Variants in GMEB2 observed in about 807,000 individuals in gnomAD.
The protein encoded by GMEB2 is glucocorticoid modulatory element-binding protein 2.
In GMEB2, 7 loss-of-function variants were observed where a neutral mutation model predicts 45.7. The observed-to-expected ratio is 0.15, with a 90% CI of 0.09 to 0.29. The LOEUF (loss-of-function observed/expected upper bound fraction) is 0.29. Among genes scored for constraint, GMEB2 ranks in the 10% least tolerant of loss-of-function variants. GMEB2 has a pLI of 1.00. For synonymous variants in GMEB2, 322 were observed against 323.6 expected, an observed-to-expected ratio of 1.00 and a Z score of 0.05; for missense variants, 582 against 739.2, an observed-to-expected ratio of 0.79 and a Z score of 2.47.
At chr20:63,621,667 C>CAAAAAA (rs56222018) in intron 1 of GMEB2, among the ~76,000 whole-genome samples, 3 of 54,604 alleles carry the variant, frequency 5.5e-5, no homozygotes, top group African/African-American at 1.1e-4. Context: ...AACTCCATCT[C>CAAAAAA]AAAAAAAAAA....
intron 4 of GMEB2, among the ~76,000 whole-genome samples, chr20:63,599,323 C>T (rs1202420656): frequency 6.6e-6 from 1 of 152,268 alleles, no homozygotes; most frequent in African/African-American, 2.4e-5. Context: ...GCTGAATAGA[C>T]AGGACTGGTC....
Position 63,589,426 on chromosome 20 carries a change from G to A in GMEB2, c.*663C>T, listed in dbSNP as rs1363741382. On this transcript the variant is annotated 3_prime_UTR_variant, in exon 10 of 10. Coordinates refer to ENST00000370077, the MANE Select transcript of GMEB2 (RefSeq NM_012384.5). ...ACATGTGCAACAATGCCTGGACCACGCCTCGTCTGTGCGGCCCCTGGGCCA... is the reference window on the plus strand; with the variant it reads ...ACATGTGCAACAATGCCTGGACCACACCTCGTCTGTGCGGCCCCTGGGCCA... 10 of 367,832 alleles carry A rather than the reference G, an allele frequency of 2.7e-5. No individual in the cohort carries two copies. The highest frequency in any genetic ancestry group is 1.5e-4 in the South Asian group (1 of 6,776). The allele number at this position is 367,832 out of a possible 1,614,324, so 22.8% of individuals were successfully genotyped here. A position where few individuals can be genotyped will look rare whatever the true frequency, so the allele number is the denominator to read the frequency against.
intron 2 of GMEB2, among the ~76,000 whole-genome samples, chr20:63,612,908 T>C (rs2089581286): frequency 6.6e-6 from 1 of 152,150 alleles, no homozygotes; most frequent in African/African-American, 2.4e-5. Context: ...TTAAAAATAA[T>C]AACAACTATG....
rs375430605 is a variant in GMEB2 at position 63,592,971 on chromosome 20, G to A, written c.691+40C>T. 3.2e-5 allele frequency: 45 copies of A among 1,420,246 alleles called. No homozygotes were observed. In the East Asian group the frequency reaches 3.9e-4, roughly 12 times the overall value. 88.0% of individuals were successfully genotyped at this position (1,420,246 alleles called of 1,614,324 possible). ...AGGTGGGCAGAGACTCCACCACCCCGCCAGGGCTTGTGAGAAGCCCACAAG... is the reference window on the plus strand; with the variant it reads ...AGGTGGGCAGAGACTCCACCACCCCACCAGGGCTTGTGAGAAGCCCACAAG... On this transcript the variant is annotated intron_variant, in intron 7 of 9. Coordinates refer to ENST00000370077, the MANE Select transcript of GMEB2 (RefSeq NM_012384.5). The surrounding 1 kb of genome is among the most constrained non-coding windows in gnomAD (Gnocchi z 8.2).
Position 63,592,503 on chromosome 20 carries a change from G to C in GMEB2, c.829+30C>G. ...CCTGCAGAGACTCCTGGGCTGAGTA[G>C]CCAGCAAGAGGGAAGATGCAGCTTC... On this transcript the variant is annotated intron_variant, in intron 8 of 9. Coordinates refer to ENST00000370077, the MANE Select transcript of GMEB2 (RefSeq NM_012384.5). This position sits in a 1 kb window ranked among gnomAD's most constrained non-coding sequence, Gnocchi z 8.2. 1 of 1,582,942 alleles carries C rather than the reference G, an allele frequency of 6.3e-7. No homozygotes were observed.
chr20:63,598,669 CCT>C (rs2083218225), intron 4 of GMEB2, among the ~76,000 whole-genome samples: 1 of 152,174 alleles, frequency 6.6e-6, no homozygotes, highest in African/African-American at 2.4e-5. Flanking sequence ...CTGAGCCCAC[CCT>C]CTCATGACCC....
At chr20:63,607,077 T>C (rs915194587) in intron 2 of GMEB2, among the ~76,000 whole-genome samples, 2 of 145,746 alleles carry the variant, frequency 1.4e-5, no homozygotes, top group Non-Finnish European at 3.0e-5. Flanking sequence ...CCCACCTCCA[T>C]TTCTAGAAAC....
At position 63,590,478 on chromosome 20, in the gene GMEB2, C is replaced by A; in HGVS notation, c.1204G>T (p.Val402Leu). The A allele has an allele frequency of 6.6e-7, 1 of 1,505,322 alleles. No individual in the cohort carries two copies. 93.2% of individuals were successfully genotyped at this position (1,505,322 alleles called of 1,614,324 possible). Residue 402 changes from valine to leucine, a missense_variant, in exon 10 of 10, where the codon GTG (valine) becomes TTG (leucine). By Grantham distance (32) the Val-to-Leu change is conservative (BLOSUM62 1). Around this residue, in one of 3 missense-constraint regions of GMEB2, gnomAD observed 462 missense variants for 586.7 expected, o/e 0.79. Transcript: ENST00000370077. ...QLTSVPLGKV[V>L]STLPSTVLGK... ...AGGACGGTGGACGGCAGGGTGGACA[C>A]CACTTTACCAAGGGGCACGCTGGTC...
intron 2 of GMEB2, among the ~76,000 whole-genome samples, chr20:63,607,055 A>G (rs2089525267): frequency 6.6e-6 from 1 of 151,702 alleles, no homozygotes; most frequent in African/African-American, 2.4e-5. Context: ...TTCTAGAAAC[A>G]TGCCCCTCTG....
chr20:63,625,784 G>T (rs1235699890), intron 1 of GMEB2, among the ~76,000 whole-genome samples: 2 of 151,892 alleles, frequency 1.3e-5, no homozygotes, highest in African/African-American at 4.8e-5. Flanking sequence ...TTTTAGTAGA[G>T]ACAGGGTTTC....
At chr20:63,610,477 C>T (rs1053127882) in intron 2 of GMEB2, among the ~76,000 whole-genome samples, 4 of 151,998 alleles carry the variant, frequency 2.6e-5, no homozygotes, top group East Asian at 1.9e-4. Flanking sequence ...GCCGAGATCG[C>T]GCCATTGCAC....
rs202099403 is a variant in GMEB2 at position 63,595,602 on chromosome 20, G to A, written c.619+8C>T. On this transcript the variant is annotated splice_region_variant and intron_variant, in intron 6 of 9. Transcript: ENST00000370077. ...GCTGGGTCAGGACGAGCAGCCCTGT[G>A]CACCTACCGTCGGCTGCGGCGGGCG... The A allele has an allele frequency of 5.0e-5, 80 of 1,599,570 alleles. No homozygotes were observed. The East Asian group carries it at 1.0e-3, about 20-fold the overall frequency.
At chr20:63,596,411 G>A (rs1047669954) in intron 5 of GMEB2, among the ~76,000 whole-genome samples, 5 of 152,206 alleles carry the variant, frequency 3.3e-5, no homozygotes, top group South Asian at 2.1e-4. Flanking sequence ...CCCATGAAAC[G>A]AGGGTCAGAG....
At chr20:63,626,230 A>ATCCCTGTGGGTCTCGTCCCGGTGGGGTGG (rs1555895482) in intron 1 of GMEB2, among the ~76,000 whole-genome samples, 2 of 146,764 alleles carry the variant, frequency 1.4e-5, no homozygotes, top group Non-Finnish European at 3.0e-5. Flanking sequence ...CAGTGGGGTG[A>ATCCCTGTGGGTCTCGTCCCGGTGGGGTGG]TCCCTGCGGG....
At chr20:63,596,268 C>T (rs1418388780) in intron 5 of GMEB2, among the ~76,000 whole-genome samples, 1 of 152,220 alleles carries the variant, frequency 6.6e-6, no homozygotes, top group Admixed American at 6.5e-5. Flanking sequence ...CCATGGCTGC[C>T]GCTCATCCTC....
rs79540482 is a variant in GMEB2, at chr20:63,593,676, T to C, written c.620-594A>G. ...CACAACTGGGCGTGTCGTTCATATG[T>C]GGCCATTTTGGGCGTTGCTGATAGA... is the stretch of plus-strand genomic sequence containing the variant. On this transcript the variant is annotated intron_variant, in intron 6 of 9. Coordinates refer to ENST00000370077, the MANE Select transcript of GMEB2 (RefSeq NM_012384.5). The surrounding 1 kb of genome is among the most constrained non-coding windows in gnomAD (Gnocchi z 4.7). 3.0e-3 allele frequency among the ~76,000 whole-genome samples: 452 copies of C among 149,746 alleles called. 4 individuals carry two copies. Among genetic ancestry groups the C allele is most frequent in the Middle Eastern group, 0.01 (3 of 294 alleles).
Position 63,604,812 on chromosome 20 carries a change from T to C in GMEB2, c.160A>G (p.Thr54Ala), listed in dbSNP as rs1432032933. Residue 54 changes from threonine to alanine, a missense_variant, in exon 3 of 10, where the codon ACA (threonine) becomes GCA (alanine). Thr to Ala is a moderately conservative substitution (Grantham distance 58). Transcript: ENST00000370077. ...GGDLTEDNME[T>A]ENAAAAAAAA... ...GCAGCTGCTGCCGCTGCATTTTCTG[T>C]CTCCATGTTATCTTCCGTCAGGTCG... is the stretch of plus-strand genomic sequence containing the variant. The C allele has an allele frequency of 3.1e-6, 5 of 1,610,860 alleles. No homozygotes were observed. The highest frequency in any genetic ancestry group is 4.2e-6 in the Non-Finnish European group (5 of 1,177,296).
Position 63,590,497 on chromosome 20 carries a change from G to A in GMEB2, c.1185C>T (p.Ser395=), listed in dbSNP as rs767255824. The A allele has an allele frequency of 1.1e-4, 167 of 1,502,530 alleles. No homozygotes were observed. The highest frequency in any genetic ancestry group is 1.2e-4 in the Non-Finnish European group (135 of 1,119,838). The allele number at this position is 1,502,530 out of a possible 1,614,324, so 93.1% of individuals were successfully genotyped here. A position where few individuals can be genotyped will look rare whatever the true frequency, so the allele number is the denominator to read the frequency against. ...GPGVPVPQLT[S]VPLGKVVSTL... is the part of the protein sequence containing the mutation. Reference sequence around the variant, plus strand: ...TGGACACCACTTTACCAAGGGGCACGCTGGTCAGCTGGGGGACGGGCACGC... The same window carrying A: ...TGGACACCACTTTACCAAGGGGCACACTGGTCAGCTGGGGGACGGGCACGC... Residue 395 remains serine, a synonymous_variant, in exon 10 of 10, where the codon AGC becomes AGT. Transcript: ENST00000370077.
intron 1 of GMEB2, among the ~76,000 whole-genome samples, chr20:63,620,932 A>C (rs964985382): frequency 6.6e-6 from 1 of 152,122 alleles, no homozygotes; most frequent in African/African-American, 2.4e-5. Flanking sequence ...AGAGACTTTC[A>C]GGTGCTATCG....
Sources: gnomAD v4.1 joint callset for allele counts (sites outside exome capture counted in the v4.1 genomes callset) on GRCh38, gnomAD v4.1.1 for gene constraint, gnomAD v4.1.1 regional missense constraint, Gnocchi (gnomAD v3.1) non-coding constraint, MANE v1.5 for transcripts, NCBI Gene and HGNC (gene_info 2026-07-23, HGNC 2026-07-21) for gene names.